The following SNX19 variants were observed in gnomAD, a reference collection of about 807,000 sequenced individuals.
SNX19 encodes sorting nexin-19.
A neutral mutation model predicts 85.2 loss-of-function variants in SNX19; 60 were observed. That is an observed-to-expected ratio of 0.70 (90% CI 0.57 to 0.87). The LOEUF (loss-of-function observed/expected upper bound fraction) is 0.87, where lower values mean the gene tolerates loss of function less well. SNX19 is among the 40% of genes least tolerant of loss of function. SNX19 has a pLI of 0.00. For synonymous variants in SNX19, 520 were observed against 470.0 expected (o/e 1.11, Z -1.38); for missense variants, 1,201 against 1,217.8 (o/e 0.99, Z 0.21).
rs548030352 is a variant in SNX19 at position 130,876,772 on chromosome 11, A to G, written c.*1650T>C. ...AGATGCTGAGCTACCTTTTCTTGTC[A>G]AAGTCTAGGGCTGGAGATGCTTCAA... is the stretch of plus-strand genomic sequence containing the variant. On this transcript the variant is annotated 3_prime_UTR_variant, in exon 11 of 11. Transcript: ENST00000265909. 3 of 152,772 alleles carry G rather than the reference A, an allele frequency of 2.0e-5. No individual in the cohort carries two copies. In the East Asian group the frequency reaches 5.8e-4, roughly 30 times the overall value. The allele number at this position is 152,772 out of a possible 1,614,324, so 9.5% of individuals were successfully genotyped here.
At chr11:130,884,364 G>C (rs955205560) in intron 8 of SNX19, among the ~76,000 whole-genome samples, 2 of 152,104 alleles carry the variant, frequency 1.3e-5, no homozygotes, top group African/African-American at 4.8e-5. Flanking sequence ...CTTATCATAG[G>C]AGTGGGAAGG....
At position 130,880,791 on chromosome 11, in the gene SNX19, C is replaced by T. The variant is rs1213490553; in HGVS notation, c.2589G>A (p.Gln863=). 2 of 1,563,268 alleles carry T rather than the reference C, an allele frequency of 1.3e-6. No individual in the cohort carries two copies. The highest frequency in any genetic ancestry group is 1.3e-5 in the African/African-American group (1 of 74,422). The change falls in exon 9 of 11, where the codon CAG becomes CAA. Residue 863 remains glutamine (Q), a synonymous_variant. Coordinates refer to ENST00000265909, the MANE Select transcript of SNX19 (RefSeq NM_014758.3). ...GTLVQRWLEV[Q]VANLTSPQRW... ...GCTGTGGACTTGTTAAATTAGCTACCTGCACCTCTAGCCACCTGTGGTAGA... is the reference window on the plus strand; with the variant it reads ...GCTGTGGACTTGTTAAATTAGCTACTTGCACCTCTAGCCACCTGTGGTAGA...
chr11:130,872,736 C>A lies in SNX19; in HGVS notation c.*5686G>T, dbSNP rs1214652165. 1.3e-5 allele frequency among the ~76,000 whole-genome samples: 2 copies of A among 152,184 alleles called. No individual in the cohort carries two copies. The highest frequency in any genetic ancestry group is 2.9e-5 in the Non-Finnish European group (2 of 68,026). On this transcript the variant is annotated 3_prime_UTR_variant, in exon 11 of 11. Coordinates refer to ENST00000265909, the MANE Select transcript of SNX19 (RefSeq NM_014758.3). ...AGGGGCCAAGTTATGGCAGAGTGCG[C>A]CCAGTTAGGCCTTCGACTACAAAAG...
chr11:130,905,026 T>A (rs774429220), intron 7 of SNX19, among the ~76,000 whole-genome samples: 2 of 152,222 alleles, frequency 1.3e-5, no homozygotes, highest in Admixed American at 6.5e-5. Flanking sequence ...TCAGAAAGAA[T>A]AGTGAAATCA....
At position 130,877,295 on chromosome 11, in the gene SNX19, A is replaced by T. The variant is rs1385927468; in HGVS notation, c.*1127T>A. ...GATTTATCCTTCTCCAGCAATTCCCAGTTGCCTTGCCTTTCTAATAGATGT... is the reference window on the plus strand; with the variant it reads ...GATTTATCCTTCTCCAGCAATTCCCTGTTGCCTTGCCTTTCTAATAGATGT... On this transcript the variant is annotated 3_prime_UTR_variant, in exon 11 of 11. Coordinates refer to ENST00000265909, the MANE Select transcript of SNX19 (RefSeq NM_014758.3). The T allele has an allele frequency of 6.6e-6, 1 of 152,246 alleles. No homozygotes were observed. The highest frequency in any genetic ancestry group is 1.5e-5 in the Non-Finnish European group (1 of 68,070). The allele number at this position is 152,246 out of a possible 1,614,324, so 9.4% of individuals were successfully genotyped here.
intron 8 of SNX19, among the ~76,000 whole-genome samples, chr11:130,898,987 G>A (rs1945067362): frequency 1.3e-5 from 2 of 152,142 alleles, no homozygotes; most frequent in Non-Finnish European, 2.9e-5. Context: ...TTCAAATTCT[G>A]CTTGTGATAT....
chr11:130,894,916 A>ATGCACTAGGCTATGATTTC (rs1944769626), intron 8 of SNX19: 2 of 985,308 alleles, frequency 2.0e-6, no homozygotes, highest in Admixed American at 6.1e-5. Context: ...AAAGAACTTC[A>ATGCACTAGGCTATGATTTC]TGCACTAGGC....
intron 10 of SNX19, among the ~76,000 whole-genome samples, 185 bp from the exon 11 acceptor site, chr11:130,878,739 C>T (rs777121662): frequency 1.3e-5 from 2 of 152,114 alleles, no homozygotes; most frequent in Non-Finnish European, 2.9e-5. Flanking sequence ...AAGGCAAGAA[C>T]AGTTTTTATA....
intron 1 of SNX19, among the ~76,000 whole-genome samples, chr11:130,913,946 C>G (rs1174254859): frequency 1.3e-5 from 2 of 152,102 alleles, no homozygotes; most frequent in African/African-American, 2.4e-5. Context: ...AATTCTCATA[C>G]AGAATCCAAC....
rs75020758 is a variant in SNX19, at chr11:130,868,016, C to G, written c.*10406G>C. The G allele has an allele frequency of 1.5e-4, 23 of 152,236 alleles. 1 individual carries two copies. The East Asian group carries it at 4.4e-3, about 29-fold the overall frequency. The allele number at this position is 152,236 out of a possible 1,614,324, so 9.4% of individuals were successfully genotyped here. A position where few individuals can be genotyped will look rare whatever the true frequency, so the allele number is the denominator to read the frequency against. On this transcript the variant is annotated 3_prime_UTR_variant, in exon 11 of 11. Coordinates refer to ENST00000265909, the MANE Select transcript of SNX19 (RefSeq NM_014758.3). Reference sequence around the variant, plus strand: ...ATAATCCTGTGACAATGCCAAAGAACGAAATGATTTTTTAAAAAATCTCTT... The same window carrying G: ...ATAATCCTGTGACAATGCCAAAGAAGGAAATGATTTTTTAAAAAATCTCTT...
In SNX19 at chr11:130,907,807, G is replaced by C. The variant is rs1592359656; in HGVS notation, c.2165+146C>G. On this transcript the variant is annotated intron_variant, in intron 5 of 10. Transcript: ENST00000265909. Reference sequence around the variant, plus strand: ...GCTCCTCCGGGTGGAAAACTGAGGAGCCTGGGGTCTAGCTTTGCCTAAAAA... The same window carrying C: ...GCTCCTCCGGGTGGAAAACTGAGGACCCTGGGGTCTAGCTTTGCCTAAAAA... The C allele has an allele frequency of 1.4e-5, 18 of 1,265,200 alleles. No individual in the cohort carries two copies. In the East Asian group the frequency reaches 4.3e-4, roughly 30 times the overall value. 78.4% of individuals were successfully genotyped at this position (1,265,200 alleles called of 1,614,324 possible).
At position 130,870,829 on chromosome 11, in the gene SNX19, G is replaced by C. The variant is rs933963968; in HGVS notation, c.*7593C>G. On this transcript the variant is annotated 3_prime_UTR_variant, in exon 11 of 11. Coordinates refer to ENST00000265909, the MANE Select transcript of SNX19 (RefSeq NM_014758.3). ...CACTAGGTATATACATATAGTTGGGGGGGGGGCATAAGGACATAATAGGAC... is the reference window on the plus strand; with the variant it reads ...CACTAGGTATATACATATAGTTGGGCGGGGGGCATAAGGACATAATAGGAC... Among the ~76,000 whole-genome samples the C allele has an allele frequency of 2.6e-5, 4 of 151,668 alleles. No individual in the cohort carries two copies. Among genetic ancestry groups the C allele is most frequent in the Admixed American group, 6.6e-5 (1 of 15,236 alleles).
intron 8 of SNX19, among the ~76,000 whole-genome samples, chr11:130,888,210 C>A (rs2135312031): frequency 6.6e-6 from 1 of 151,716 alleles, no homozygotes; most frequent in South Asian, 2.1e-4. Flanking sequence ...TTTAGATTAT[C>A]ATTCTAAGTT....
Position 130,906,077 on chromosome 11 carries a change from CTT to C in SNX19, c.2317_2318del (p.Lys773ValfsTer15). 6.2e-7 allele frequency: 1 copy of C among 1,614,122 alleles called. No individual in the cohort carries two copies. The highest frequency in any genetic ancestry group is 1.1e-5 in the South Asian group (1 of 91,082). ...AMESFIEKQT[K>X]LLEMQPTKAP... Reference sequence around the variant, plus strand: ...CTTTTGTTGGCTGCATTTCCAGTAACTTTGTCTGTTTTTCAATAAAAGATTCC... The same window carrying C: ...CTTTTGTTGGCTGCATTTCCAGTAACTGTCTGTTTTTCAATAAAAGATTCC... On this transcript the variant is annotated frameshift_variant, in exon 7 of 11. Coordinates refer to ENST00000265909, the MANE Select transcript of SNX19 (RefSeq NM_014758.3). LOFTEE classifies it high-confidence loss of function.
In SNX19 at chr11:130,871,158, TA is replaced by T. The variant is rs1943012565; in HGVS notation, c.*7263del. Among the ~76,000 whole-genome samples the T allele has an allele frequency of 6.6e-6, 1 of 152,142 alleles. No individual in the cohort carries two copies. The highest frequency in any genetic ancestry group is 6.5e-5 in the Admixed American group (1 of 15,268). ...TGGTTTGGGCAGAATAAAAAATCCCTAGATTTTTTTGGAAGTTTCTCGTCTA... is the reference window on the plus strand; with the variant it reads ...TGGTTTGGGCAGAATAAAAAATCCCTGATTTTTTTGGAAGTTTCTCGTCTA... On this transcript the variant is annotated 3_prime_UTR_variant, in exon 11 of 11. Coordinates refer to ENST00000265909, the MANE Select transcript of SNX19 (RefSeq NM_014758.3).
chr11:130,880,455 G>A (rs1943574222), intron 9 of SNX19, among the ~76,000 whole-genome samples, 167 bp downstream of exon 9: 3 of 152,220 alleles, frequency 2.0e-5, no homozygotes, highest in African/African-American at 7.2e-5. Flanking sequence ...AAGAATTGCA[G>A]CCCTGTTCAT....
At position 130,907,790 on chromosome 11, in the gene SNX19, G is replaced by A. The variant is rs540053834; in HGVS notation, c.2165+163C>T. 6.2e-4 allele frequency among the ~76,000 whole-genome samples: 95 copies of A among 152,276 alleles called. 1 individual carries two copies. Among genetic ancestry groups the A allele is most frequent in the South Asian group, 2.5e-3 (12 of 4,820 alleles). On this transcript the variant is annotated intron_variant, in intron 5 of 10. Coordinates refer to ENST00000265909, the MANE Select transcript of SNX19 (RefSeq NM_014758.3). ...CCTCTGCAGCACCGCAGGCTCCTCC[G>A]GGTGGAAAACTGAGGAGCCTGGGGT...
chr11:130,904,553 C>A (rs531078845), intron 7 of SNX19, among the ~76,000 whole-genome samples: 1 of 152,274 alleles, frequency 6.6e-6, no homozygotes, highest in East Asian at 1.9e-4. Context: ...TCATCCTGAG[C>A]CTTAGTCCTC....
In SNX19 at chr11:130,878,340, A is replaced by G. The variant is rs1943385689; in HGVS notation, c.*82T>C. On this transcript the variant is annotated 3_prime_UTR_variant, in exon 11 of 11. Transcript: ENST00000265909. ...GCCTTCTTAGCTGTAGCCTACTTGA[A>G]GAGGGCACGGGCTTCCTGACTGGTC... 4 of 1,476,260 alleles carry G rather than the reference A, an allele frequency of 2.7e-6. No homozygotes were observed. The South Asian group carries it at 5.8e-5, about 21-fold the overall frequency. 91.4% of individuals were successfully genotyped at this position (1,476,260 alleles called of 1,614,324 possible).
Sources: gnomAD v4.1 joint callset for allele counts (sites outside exome capture counted in the v4.1 genomes callset) on GRCh38, gnomAD v4.1.1 for gene constraint, MANE v1.5 for transcripts, NCBI Gene and HGNC (gene_info 2026-07-23, HGNC 2026-07-21) for gene names.